THSD4: variants seen among roughly 807,000 people sequenced by gnomAD.
THSD4 encodes thrombospondin type 1 domain containing 4, also known as thrombospondin type-1 domain-containing protein 4.
Under a neutral mutation model 119.0 loss-of-function variants are expected in THSD4, and 69 were observed. The ratio of observed to expected loss-of-function variants is 0.58; its 90% CI spans 0.48 to 0.71. The LOEUF (loss-of-function observed/expected upper bound fraction) is 0.71, where lower values mean the gene tolerates loss of function less well. Among genes scored for constraint, THSD4 ranks in the 30% least tolerant of loss-of-function variants. THSD4 has a pLI of 0.00. For missense variants in THSD4, 1,393 were observed against 1,391.1 expected, an observed-to-expected ratio of 1.00 and a Z score of -0.02; for synonymous variants, 524 against 540.4, an observed-to-expected ratio of 0.97 and a Z score of 0.42.
At chr15:71,224,924 C>T (rs1350389081) in intron 4 of THSD4, among the ~76,000 whole-genome samples, 1 of 152,100 alleles carries the variant, frequency 6.6e-6, no homozygotes, top group African/African-American at 2.4e-5. Flanking sequence ...AGTCCCATTG[C>T]CATATAAGGT....
chr15:71,577,705 A>ATTTAT, intron 7 of THSD4, among the ~76,000 whole-genome samples: 1 of 10,154 alleles, frequency 9.8e-5, no homozygotes, highest in African/African-American at 1.6e-4. Context: ...TGCAACCTTT[A>ATTTAT]TTTATTTATT....
chr15:71,266,192 C>T (rs181833619), intron 6 of THSD4, among the ~76,000 whole-genome samples: 27 of 152,328 alleles, frequency 1.8e-4, no homozygotes, highest in Non-Finnish European at 2.9e-4. Flanking sequence ...GGTTGACAGA[C>T]ACCTCATACA....
At chr15:71,459,396 C>CTCTCTCTCTCTG (rs2047394368) in intron 7 of THSD4, among the ~76,000 whole-genome samples, 1 of 151,102 alleles carries the variant, frequency 6.6e-6, no homozygotes, top group Non-Finnish European at 1.5e-5. Context: ...CTCTCTCTCT[C>CTCTCTCTCTCTG]TCTCTCTCTG....
intron 1 of THSD4, chr15:71,097,106 G>A (rs2040233777): frequency 6.6e-6 from 1 of 152,214 alleles, no homozygotes. Context: ...AGTCACATTT[G>A]TCAAAATAGG....
chr15:71,691,019 G>A (rs2052037991), intron 8 of THSD4, among the ~76,000 whole-genome samples: 1 of 152,208 alleles, frequency 6.6e-6, no homozygotes, highest in Non-Finnish European at 1.5e-5. Flanking sequence ...ATCCAGGTGA[G>A]TCCAGTGTAA....
chr15:71,295,572 G>T (rs1358595066), intron 6 of THSD4, among the ~76,000 whole-genome samples: 1 of 152,076 alleles, frequency 6.6e-6, no homozygotes, highest in Non-Finnish European at 1.5e-5. Context: ...GTGACTCTGG[G>T]TGAATCATTT....
chr15:71,745,804 C>G (rs934805663), intron 12 of THSD4, among the ~76,000 whole-genome samples: 3 of 152,218 alleles, frequency 2.0e-5, no homozygotes, highest in Admixed American at 1.3e-4. Context: ...ATTACCACGC[C>G]TGGCTAATTT....
At position 71,290,868 on chromosome 15, in the gene THSD4, TTTTTTCC is replaced by T. The variant is rs1180696207; in HGVS notation, c.1015+34159_1015+34165del. Among the ~76,000 whole-genome samples, 3 of 98,722 alleles carry T rather than the reference TTTTTTCC, an allele frequency of 3.0e-5. No individual in the cohort carries two copies. In the Admixed American group the frequency reaches 3.6e-4, roughly 12 times the overall value. The allele number at this position is 98,722 out of a possible 152,430, so 64.8% of individuals were successfully genotyped here. On this transcript the variant is annotated intron_variant, in intron 6 of 17. Transcript: ENST00000261862. ...ATTGATGTCTGGAAACCTGGTTTCCTTTTTTCCTTTTTTTTTTTTTTTTTGTTAACTT... is the reference window on the plus strand; with the variant it reads ...ATTGATGTCTGGAAACCTGGTTTCCTTTTTTTTTTTTTTTTTTGTTAACTT...
chr15:71,497,255 A>G (rs2048033171), intron 7 of THSD4, among the ~76,000 whole-genome samples: 1 of 152,218 alleles, frequency 6.6e-6, no homozygotes, highest in African/African-American at 2.4e-5. Context: ...GCTTATGCCT[A>G]TAATCCCAGC....
intron 9 of THSD4, chr15:71,730,080 T>C (rs999661953): frequency 1.3e-5 from 2 of 152,108 alleles, no homozygotes; most frequent in African/African-American, 4.8e-5. Context: ...ACAGGAAGAA[T>C]AGACACAGGA....
intron 6 of THSD4, among the ~76,000 whole-genome samples, chr15:71,280,763 G>A (rs554168986): frequency 1.6e-4 from 24 of 152,124 alleles, no homozygotes; most frequent in Admixed American, 1.2e-3. Flanking sequence ...TGTCTAAACC[G>A]AGCCAGGGAC....
intron 6 of THSD4, among the ~76,000 whole-genome samples, chr15:71,265,125 C>G (rs1398075642): frequency 2.0e-5 from 3 of 152,018 alleles, no homozygotes; most frequent in Non-Finnish European, 4.4e-5. Context: ...GGAAAGGACA[C>G]CAGTGTTCCT....
At chr15:71,474,241 A>G (rs994763314) in intron 7 of THSD4, among the ~76,000 whole-genome samples, 2 of 151,088 alleles carry the variant, frequency 1.3e-5, no homozygotes, top group African/African-American at 4.9e-5. Flanking sequence ...TTTTTTTGAG[A>G]TGGAGTCTCA....
intron 7 of THSD4, among the ~76,000 whole-genome samples, chr15:71,443,087 G>C (rs866550351): frequency 6.6e-6 from 1 of 152,160 alleles, no homozygotes; most frequent in Non-Finnish European, 1.5e-5. Context: ...GGGGAGCAGA[G>C]AGACAGTGAA....
chr15:71,718,699 C>T (rs998869976), intron 8 of THSD4, among the ~76,000 whole-genome samples: 1 of 152,150 alleles, frequency 6.6e-6, no homozygotes, highest in African/African-American at 2.4e-5. Flanking sequence ...TTCCCTTCTC[C>T]ATCCTTCTAA....
At chr15:71,729,811 G>A (rs1182718346) in intron 9 of THSD4, 4 of 152,156 alleles carry the variant, frequency 2.6e-5, no homozygotes, top group Non-Finnish European at 5.9e-5. Context: ...GAGAGGGAGG[G>A]AGGATTTCCA....
chr15:71,099,239 A>G (rs2040244233), intron 1 of THSD4, among the ~76,000 whole-genome samples: 1 of 152,202 alleles, frequency 6.6e-6, no homozygotes, highest in Non-Finnish European at 1.5e-5. Flanking sequence ...ACTTGAAAGA[A>G]ATGTGTATTC....
chr15:71,270,596 T>A (rs2044516616), intron 6 of THSD4, among the ~76,000 whole-genome samples: 1 of 152,216 alleles, frequency 6.6e-6, no homozygotes, highest in South Asian at 2.1e-4. Context: ...TTAACTAACT[T>A]GCCCACGGTC....
intron 5 of THSD4, among the ~76,000 whole-genome samples, chr15:71,251,148 T>C (rs79745150): frequency 0.021 from 3,226 of 152,254 alleles, 47 homozygotes; most frequent in Middle Eastern, 0.034. Context: ...ATTTGAAAAA[T>C]GTGCAAGATA....
Sources: allele counts gnomAD v4.1 joint callset (sites outside exome capture counted in the v4.1 genomes callset), GRCh38; gene constraint gnomAD v4.1.1; transcripts MANE v1.5; gene names NCBI Gene and HGNC (gene_info 2026-07-23, HGNC 2026-07-21).